The following TENM2 variants were observed in gnomAD, a reference collection of about 807,000 sequenced individuals.
The protein encoded by TENM2 is teneurin-2.
Under a neutral mutation model 245.2 loss-of-function variants are expected in TENM2, and 52 were observed. The ratio of observed to expected loss-of-function variants is 0.21; its 90% CI spans 0.17 to 0.27. The LOEUF (loss-of-function observed/expected upper bound fraction) is 0.27. Ranked by LOEUF, TENM2 falls within the 10% of genes least tolerant of loss-of-function variation. The pLI is 1.00. For missense variants in TENM2, 3,046 were observed against 3,666.8 expected (o/e 0.83, Z 4.37); for synonymous variants, 1,363 against 1,438.9 (o/e 0.95, Z 1.19).
rs368881390 is a variant in TENM2 at position 167,445,336 on chromosome 5, T to TATATATAGAGAG, written c.502+69864_502+69865insTATATAGAGAGA. 1.1e-3 allele frequency among the ~76,000 whole-genome samples: 87 copies of TATATATAGAGAG among 77,280 alleles called. 1 individual carries two copies. The highest frequency in any genetic ancestry group is 8.8e-3 in the Middle Eastern group (1 of 114). 50.7% of individuals were successfully genotyped at this position (77,280 alleles called of 152,430 possible). ...TTATATATATATATATATATATATA[T>TATATATAGAGAG]AGAGAGAGAGAGAGAGAGAGAGAGA... On this transcript the variant is annotated intron_variant, in intron 2 of 28. Transcript: ENST00000518659.
intron 3 of TENM2, among the ~76,000 whole-genome samples, chr5:167,945,554 C>T (rs1159708612): frequency 6.6e-6 from 1 of 152,154 alleles, no homozygotes; most frequent in African/African-American, 2.4e-5. Flanking sequence ...TAAGATGTCC[C>T]TGCCGACCCT....
chr5:167,591,548 G>T (rs1775876713), intron 2 of TENM2, among the ~76,000 whole-genome samples: 1 of 152,134 alleles, frequency 6.6e-6, no homozygotes, highest in African/African-American at 2.4e-5. Flanking sequence ...CAATTCTCAA[G>T]GCATGTCACT....
chr5:167,424,058 C>A (rs1191051007), intron 2 of TENM2, among the ~76,000 whole-genome samples: 1 of 152,192 alleles, frequency 6.6e-6, no homozygotes, highest in Non-Finnish European at 1.5e-5. Context: ...TGCTTCTCTG[C>A]CTCTGTCCCG....
At chr5:168,086,724 G>T (rs532781458) in intron 7 of TENM2, among the ~76,000 whole-genome samples, 13 of 152,290 alleles carry the variant, frequency 8.5e-5, no homozygotes, top group African/African-American at 3.1e-4. Flanking sequence ...GCACAGTTTG[G>T]TCTCCCAAAG....
At chr5:167,270,324 G>A in the TENM2 span, among the ~76,000 whole-genome samples, 7 of 152,160 alleles carry the variant, frequency 4.6e-5, no homozygotes, top group Middle Eastern at 3.2e-3. Flanking sequence ...TGGCCAGATG[G>A]TAGTAGTAAT....
intron 10 of TENM2, among the ~76,000 whole-genome samples, chr5:168,123,451 AC>A (rs1297789781): frequency 1.3e-5 from 2 of 152,260 alleles, no homozygotes; most frequent in African/African-American, 4.8e-5. Context: ...TTATTTAGAG[AC>A]CAGAAGTCTT....
At chr5:168,262,527 A>G (rs1482562224) in exon 29 of TENM2, 6 of 1,556,448 alleles carry the variant, frequency 3.9e-6, no homozygotes, top group Non-Finnish European at 5.2e-6. Context: ...AGCATCCGCT[A>G]TGGCCTCACC....
intron 2 of TENM2, among the ~76,000 whole-genome samples, chr5:167,528,344 AT>A (rs1408002348): frequency 1.3e-5 from 2 of 152,102 alleles, no homozygotes; most frequent in Non-Finnish European, 2.9e-5. Context: ...TTGCTGCCAG[AT>A]GGAAGAGGGT....
the TENM2 span, among the ~76,000 whole-genome samples, chr5:167,043,047 C>G: frequency 6.6e-6 from 1 of 152,182 alleles, no homozygotes; most frequent in Non-Finnish European, 1.5e-5. Context: ...ATTTATTGAT[C>G]TCCAAAATAA....
chr5:167,883,037 T>C (rs1159323261), intron 3 of TENM2, among the ~76,000 whole-genome samples: 2 of 152,154 alleles, frequency 1.3e-5, no homozygotes, highest in African/African-American at 4.8e-5. Flanking sequence ...ATCTGGGACA[T>C]TGTCAAAACT....
At chr5:167,493,265 A>G (rs1007683979) in intron 2 of TENM2, among the ~76,000 whole-genome samples, 8 of 151,964 alleles carry the variant, frequency 5.3e-5, no homozygotes, top group African/African-American at 1.9e-4. Flanking sequence ...GTGAGAGAGT[A>G]AGACCCTGTC....
chr5:167,879,018 G>A (rs1773663579), intron 3 of TENM2, among the ~76,000 whole-genome samples: 1 of 152,138 alleles, frequency 6.6e-6, no homozygotes, highest in Non-Finnish European at 1.5e-5. Context: ...TATAGTTGCT[G>A]TTATTATTTG....
chr5:167,118,631 C>T, the TENM2 span, among the ~76,000 whole-genome samples: 1 of 152,150 alleles, frequency 6.6e-6, no homozygotes, highest in Non-Finnish European at 1.5e-5. Flanking sequence ...TTGCAACAAT[C>T]TGAAGCAAAT....
the TENM2 span, among the ~76,000 whole-genome samples, chr5:167,070,266 T>G: frequency 6.9e-6 from 1 of 144,116 alleles, no homozygotes; most frequent in African/African-American, 2.7e-5. Context: ...TACAAGCACC[T>G]GCCACCACGC....
chr5:168,073,157 C>T (rs946591635), intron 7 of TENM2, among the ~76,000 whole-genome samples: 2 of 152,186 alleles, frequency 1.3e-5, no homozygotes, highest in Non-Finnish European at 2.9e-5. Flanking sequence ...TTGTATGTTT[C>T]CTGGAGCCAC....
At chr5:167,954,638 C>T (rs1429852160) in intron 4 of TENM2, among the ~76,000 whole-genome samples, 1 of 152,106 alleles carries the variant, frequency 6.6e-6, no homozygotes, top group Non-Finnish European at 1.5e-5. Context: ...CCTCACAGGC[C>T]CCAGTGTGTG....
intron 2 of TENM2, among the ~76,000 whole-genome samples, chr5:167,831,205 T>A (rs6883993): frequency 6.6e-6 from 1 of 152,234 alleles, no homozygotes; most frequent in Admixed American, 6.5e-5. Context: ...AAATTTTGAA[T>A]TGTATACATT....
intron 2 of TENM2, among the ~76,000 whole-genome samples, chr5:167,796,993 C>T (rs1765371837): frequency 1.3e-5 from 2 of 151,966 alleles, no homozygotes; most frequent in African/African-American, 4.8e-5. Flanking sequence ...CTATGCTCTA[C>T]AGGAGCCAAA....
chr5:167,041,377 A>T, the TENM2 span, among the ~76,000 whole-genome samples: 2 of 152,182 alleles, frequency 1.3e-5, no homozygotes, highest in Non-Finnish European at 2.9e-5. Flanking sequence ...CAATGCTTAG[A>T]GAAGCAGAGT....
Sources: gnomAD v4.1 joint callset for allele counts (sites outside exome capture counted in the v4.1 genomes callset) on GRCh38, gnomAD v4.1.1 for gene constraint, MANE v1.5 for transcripts, NCBI Gene and HGNC (gene_info 2026-07-23, HGNC 2026-07-21) for gene names.